ARHGAP35: variants seen among roughly 807,000 people sequenced by gnomAD.
The protein encoded by ARHGAP35 is rho GTPase-activating protein 35.
ARHGAP35 carries 15 observed loss-of-function variants against 111.1 expected under a neutral mutation model. That is an observed-to-expected ratio of 0.13 (90% CI 0.09 to 0.21). The LOEUF is 0.21. Among genes scored for constraint, ARHGAP35 ranks in the 10% least tolerant of loss-of-function variants. The pLI is 1.00. For synonymous variants in ARHGAP35, 643 were observed against 710.3 expected, an observed-to-expected ratio of 0.91 and a Z score of 1.51; for missense variants, 1,262 against 1,873.0, an observed-to-expected ratio of 0.67 and a Z score of 6.02.
intron 1 of ARHGAP35, among the ~76,000 whole-genome samples, chr19:46,912,189 G>A (rs906995674): frequency 2.0e-5 from 3 of 151,290 alleles, no homozygotes; most frequent in South Asian, 2.1e-4. Flanking sequence ...GATTACTGGC[G>A]CCCACCACCA....
rs529141168 is a variant in ARHGAP35 at position 46,918,520 on chromosome 19, G to A, written c.-156G>A. ...TGTTGGCTATTTGGCGATGAGAGGT[G>A]GTGAACAGTGACCATACTGGTATAC... On this transcript the variant is annotated 5_prime_UTR_variant, in exon 2 of 7. Transcript: ENST00000672722. The surrounding 1 kb of genome is among the most constrained non-coding windows in gnomAD (Gnocchi z 5.4). Among the ~76,000 whole-genome samples the A allele has an allele frequency of 6.6e-6, 1 of 152,112 alleles. No individual in the cohort carries two copies. Among genetic ancestry groups the A allele is most frequent in the African/African-American group, 2.4e-5 (1 of 41,482 alleles).
chr19:46,877,589 TAAA>T (rs753438022), intron 1 of ARHGAP35, among the ~76,000 whole-genome samples: 1 of 152,082 alleles, frequency 6.6e-6, no homozygotes, highest in African/African-American at 2.4e-5. Flanking sequence ...AAATAAAAAT[TAAA>T]AAATAAAAGT....
At chr19:46,891,107 TG>T (rs1227818675) in intron 1 of ARHGAP35, among the ~76,000 whole-genome samples, 1 of 152,160 alleles carries the variant, frequency 6.6e-6, no homozygotes, top group Non-Finnish European at 1.5e-5. Context: ...TGGGTAGCCT[TG>T]GCCAGGTCAG....
At chr19:46,976,051 G>A (rs754261854) in intron 3 of ARHGAP35, among the ~76,000 whole-genome samples, 15 of 152,110 alleles carry the variant, frequency 9.9e-5, no homozygotes, top group African/African-American at 2.4e-5. Flanking sequence ...GCACTGCTTT[G>A]AATTGATAAA....
chr19:46,988,021 G>A lies in ARHGAP35; in HGVS notation c.3859G>A (p.Gly1287Arg), dbSNP rs771708442. Reference sequence around the variant, plus strand: ...CACGGAAGGCATCTACCGGGTCAGCGGGAACAAGTCTGAGATGGAGAGTCT... The same window carrying A: ...CACGGAAGGCATCTACCGGGTCAGCAGGAACAAGTCTGAGATGGAGAGTCT... ...LSTEGIYRVS[G>R]NKSEMESLQR... Residue 1287 changes from glycine to arginine, a missense_variant, in exon 4 of 7, where the codon GGG (glycine) becomes AGG (arginine). Physicochemically the swap from Gly to Arg is moderately radical, Grantham distance 125 (BLOSUM62 -2). This residue lies in a region of ARHGAP35 where 45 missense variants were observed against 118.2 expected (regional missense o/e 0.38). Transcript: ENST00000672722. This position sits in a 1 kb window ranked among gnomAD's most constrained non-coding sequence, Gnocchi z 5.4. 2 of 1,613,890 alleles carry A rather than the reference G, an allele frequency of 1.2e-6. No individual in the cohort carries two copies. Among genetic ancestry groups the A allele is most frequent in the Non-Finnish European group, 1.7e-6 (2 of 1,179,854 alleles).
chr19:46,863,880 G>T (rs2122848629), intron 1 of ARHGAP35, among the ~76,000 whole-genome samples: 1 of 152,292 alleles, frequency 6.6e-6, no homozygotes, highest in South Asian at 2.1e-4. Context: ...TCTTTGCCCC[G>T]GGAAAGGCTC....
intron 1 of ARHGAP35, among the ~76,000 whole-genome samples, chr19:46,873,211 G>A (rs115497378): frequency 1.8e-4 from 27 of 152,096 alleles, no homozygotes; most frequent in Non-Finnish European, 3.5e-4. Flanking sequence ...GAATGCTTTC[G>A]CCCAGTGTGA....
In ARHGAP35 at chr19:46,882,326, C is replaced by G. The variant is rs1046780664; in HGVS notation, c.-189+21117C>G. On this transcript the variant is annotated intron_variant, in intron 1 of 6. Coordinates refer to ENST00000672722, the MANE Select transcript of ARHGAP35 (RefSeq NM_004491.5). ...ATTTTTATTTTATTTTTTGTAGAGA[C>G]AGGATCAGCGTATGTTGACCATGCT... 2.4e-4 allele frequency among the ~76,000 whole-genome samples: 36 copies of G among 151,730 alleles called. 1 individual carries two copies. Among genetic ancestry groups the G allele is most frequent in the African/African-American group, 8.7e-4 (36 of 41,298 alleles).
At chr19:46,952,004 A>G (rs139322709) in intron 3 of ARHGAP35, among the ~76,000 whole-genome samples, 39 of 152,352 alleles carry the variant, frequency 2.6e-4, no homozygotes, top group African/African-American at 8.9e-4. Context: ...CTAGTGTTTG[A>G]TAGCCCAGTA....
At chr19:46,915,423 G>A (rs1043724208) in intron 1 of ARHGAP35, among the ~76,000 whole-genome samples, 6 of 152,088 alleles carry the variant, frequency 3.9e-5, no homozygotes, top group African/African-American at 1.4e-4. Context: ...TTCCATAGAG[G>A]GTTTGGCTTT....
At chr19:46,915,929 C>CTTTTTTT (rs869240851) in intron 1 of ARHGAP35, among the ~76,000 whole-genome samples, 1 of 113,572 alleles carries the variant, frequency 8.8e-6, no homozygotes, top group Non-Finnish European at 1.8e-5. Flanking sequence ...AATCCAAACT[C>CTTTTTTT]TTTTTTTTTT....
rs2056767365 is a variant in ARHGAP35 at position 47,004,912 on chromosome 19, G to A, written c.*4224G>A. On this transcript the variant is annotated 3_prime_UTR_variant, in exon 7 of 7. Transcript: ENST00000672722. ...GATTAGTGCATGGTCAGCCCTCAAT[G>A]AAGGCTGAGGCATCTCTGACTGAGG... 6.6e-6 allele frequency: 1 copy of A among 152,182 alleles called. No individual in the cohort carries two copies. Among genetic ancestry groups the A allele is most frequent in the South Asian group, 2.1e-4 (1 of 4,832 alleles). 9.4% of individuals were successfully genotyped at this position (152,182 alleles called of 1,614,324 possible). A position where few individuals can be genotyped will look rare whatever the true frequency, so the allele number is the denominator to read the frequency against.
At chr19:46,995,013 G>A (rs1301139310) in intron 5 of ARHGAP35, among the ~76,000 whole-genome samples, 2 of 152,204 alleles carry the variant, frequency 1.3e-5, no homozygotes, top group African/African-American at 2.4e-5. Flanking sequence ...ACTGTTGAGG[G>A]ACCTGTGCCT....
At chr19:46,893,886 C>CTTTTTTT (rs75930765) in intron 1 of ARHGAP35, among the ~76,000 whole-genome samples, 1 of 122,378 alleles carries the variant, frequency 8.2e-6, no homozygotes, top group African/African-American at 3.0e-5. Context: ...CGTTCTTTCT[C>CTTTTTTT]TTTTTTTTTT....
intron 1 of ARHGAP35, among the ~76,000 whole-genome samples, chr19:46,906,393 C>A (rs2056107982): frequency 6.6e-6 from 1 of 152,200 alleles, no homozygotes; most frequent in African/African-American, 2.4e-5. Context: ...GTCTTAAAAC[C>A]TGCCAGTTCC....
Position 47,000,684 on chromosome 19 carries a change from T to A in ARHGAP35, c.4496T>A (p.Leu1499Gln), listed in dbSNP as rs1353234526. 6.3e-7 allele frequency: 1 copy of A among 1,575,946 alleles called. No individual in the cohort carries two copies. The highest frequency in any genetic ancestry group is 1.4e-5 in the African/African-American group (1 of 73,908). Reference protein sequence around the residue: ...LPSQLQAEHTL With the variant: ...LPSQLQAEHTQ ...TCCCAGCTTCAAGCCGAACACACGC[T>A]GTGAGCCACCAAGACCTGGGGCGAC... Residue 1499 changes from leucine (L) to glutamine (Q), a missense_variant, in exon 7 of 7, where the codon CTG becomes CAG. Leu to Gln is a moderately radical substitution (Grantham distance 113). Transcript: ENST00000672722. This position sits in a 1 kb window ranked among gnomAD's most constrained non-coding sequence, Gnocchi z 6.9.
In ARHGAP35 at chr19:46,989,310, G is replaced by A. The variant is rs2056667351; in HGVS notation, c.3905-234G>A. 6 of 453,476 alleles carry A rather than the reference G, an allele frequency of 1.3e-5. No individual in the cohort carries two copies. The highest frequency in any genetic ancestry group is 3.9e-5 in the East Asian group (1 of 25,544). The allele number at this position is 453,476 out of a possible 1,614,324, so 28.1% of individuals were successfully genotyped here. On this transcript the variant is annotated intron_variant, in intron 4 of 6. Transcript: ENST00000672722. The surrounding 1 kb of genome is among the most constrained non-coding windows in gnomAD (Gnocchi z 5.3). ...CATGTGGGGGTAGCACCCCTGCCCCGAGAGTGGTAGAAGGGGCAGTTCAGC... is the reference window on the plus strand; with the variant it reads ...CATGTGGGGGTAGCACCCCTGCCCCAAGAGTGGTAGAAGGGGCAGTTCAGC...
At chr19:46,869,623 T>G (rs1471478816) in intron 1 of ARHGAP35, among the ~76,000 whole-genome samples, 1 of 152,092 alleles carries the variant, frequency 6.6e-6, no homozygotes, top group Non-Finnish European at 1.5e-5. Flanking sequence ...TACTTAGGAA[T>G]GAGACAAAGG....
At position 46,999,634 on chromosome 19, in the gene ARHGAP35, C is replaced by T. The variant is rs932244790; in HGVS notation, c.4142+225C>T. On this transcript the variant is annotated intron_variant, in intron 6 of 6. Coordinates refer to ENST00000672722, the MANE Select transcript of ARHGAP35 (RefSeq NM_004491.5). This position sits in a 1 kb window ranked among gnomAD's most constrained non-coding sequence, Gnocchi z 5.4. ...CCTGCTCCTGTCTGAGGGCAGCCCA[C>T]GTGGCCTCAAACCTGCCTAACACCA... 8 of 544,778 alleles carry T rather than the reference C, an allele frequency of 1.5e-5. No individual in the cohort carries two copies. Among genetic ancestry groups the T allele is most frequent in the African/African-American group, 9.4e-5 (5 of 52,996 alleles). The allele number at this position is 544,778 out of a possible 1,614,324, so 33.7% of individuals were successfully genotyped here. A position where few individuals can be genotyped will look rare whatever the true frequency, so the allele number is the denominator to read the frequency against.
Sources: allele counts gnomAD v4.1 joint callset (sites outside exome capture counted in the v4.1 genomes callset), GRCh38; gene constraint gnomAD v4.1.1; regional missense constraint gnomAD v4.1.1; non-coding constraint Gnocchi (gnomAD v3.1); transcripts MANE v1.5; gene names NCBI Gene and HGNC (gene_info 2026-07-23, HGNC 2026-07-21).